ATP8A1: variants seen among roughly 807,000 people sequenced by gnomAD.
The protein encoded by ATP8A1 is phospholipid-transporting ATPase IA.
A neutral mutation model predicts 177.7 loss-of-function variants in ATP8A1; 90 were observed. The ratio of observed to expected loss-of-function variants is 0.51; its 90% CI spans 0.43 to 0.60. The LOEUF (loss-of-function observed/expected upper bound fraction) is 0.60, where lower values mean the gene tolerates loss of function less well. Ranked by LOEUF, ATP8A1 falls within the 20% of genes least tolerant of loss-of-function variation. The pLI is 0.00. For missense variants in ATP8A1, 1,072 were observed against 1,392.8 expected (o/e 0.77, Z 3.67); for synonymous variants, 493 against 485.9 (o/e 1.01, Z -0.19).
intron 5 of ATP8A1, among the ~76,000 whole-genome samples, chr4:42,614,440 C>T (rs1736698982): frequency 6.6e-6 from 1 of 152,186 alleles, no homozygotes; most frequent in South Asian, 2.1e-4. Context: ...CTGCATATTG[C>T]CAAAAATACC....
intron 20 of ATP8A1, among the ~76,000 whole-genome samples, chr4:42,542,345 C>A (rs1385983468): frequency 6.6e-6 from 1 of 151,808 alleles, no homozygotes. Flanking sequence ...AAGATGATTC[C>A]AAACTATACA....
At chr4:42,578,171 TAATTAAAAC>T in intron 12 of ATP8A1, 80 bp downstream of exon 12, 1 of 1,274,114 alleles carries the variant, frequency 7.8e-7, no homozygotes, top group Non-Finnish European at 1.1e-6. Context: ...ACGGTAGATA[TAATTAAAAC>T]CTTTTTTCTC....
At chr4:42,640,979 G>C (rs1241899050) in intron 1 of ATP8A1, among the ~76,000 whole-genome samples, 1 of 147,994 alleles carries the variant, frequency 6.8e-6, no homozygotes, top group African/African-American at 2.5e-5. Context: ...GGAAGTGAAG[G>C]AGCAGACGTA....
intron 32 of ATP8A1, 123 bp downstream of exon 32, chr4:42,444,455 A>G (rs1273671349): frequency 8.9e-6 from 8 of 896,124 alleles, no homozygotes; most frequent in Non-Finnish European, 1.4e-5. Flanking sequence ...CACAATTGAA[A>G]ACCTGTGGAC....
intron 19 of ATP8A1, 84 bp from the exon 20 acceptor site, chr4:42,544,070 T>A (rs1728659057): frequency 8.0e-6 from 9 of 1,123,800 alleles, no homozygotes; most frequent in Non-Finnish European, 1.1e-5. Flanking sequence ...TATTTTGATA[T>A]TCACAGTAAA....
At chr4:42,506,325 G>T (rs964587428) in intron 23 of ATP8A1, among the ~76,000 whole-genome samples, 1 of 152,188 alleles carries the variant, frequency 6.6e-6, no homozygotes, top group Non-Finnish European at 1.5e-5. Context: ...TACCATGTGA[G>T]AACACAGTTA....
intron 35 of ATP8A1, 131 bp from the exon 36 acceptor site, chr4:42,414,849 T>C: frequency 1.5e-6 from 1 of 684,728 alleles, no homozygotes; most frequent in Non-Finnish European, 2.6e-6. Flanking sequence ...TAGTGATTCT[T>C]TTTACACATT....
intron 14 of ATP8A1, among the ~76,000 whole-genome samples, chr4:42,573,086 G>GA (rs1732066728): frequency 6.6e-6 from 1 of 152,086 alleles, no homozygotes; most frequent in South Asian, 2.1e-4. Context: ...CCAAGAATAA[G>GA]AAAAAACCTG....
chr4:42,599,664 G>A (rs1735052950), intron 6 of ATP8A1, among the ~76,000 whole-genome samples: 1 of 152,166 alleles, frequency 6.6e-6, no homozygotes, highest in African/African-American at 2.4e-5. Flanking sequence ...AACTAGCTGG[G>A]AAGTACTGGA....
At chr4:42,602,856 T>C (rs1038702188) in intron 5 of ATP8A1, among the ~76,000 whole-genome samples, 1 of 152,070 alleles carries the variant, frequency 6.6e-6, no homozygotes, top group East Asian at 1.9e-4. Flanking sequence ...GGCTACAATA[T>C]AATAAGAGAG....
chr4:42,545,772 G>A (rs555203300), intron 19 of ATP8A1, among the ~76,000 whole-genome samples: 1 of 152,222 alleles, frequency 6.6e-6, no homozygotes, highest in African/African-American at 2.4e-5. Context: ...TCAGGAGTTC[G>A]AGACCAGCCT....
At chr4:42,539,655 A>G (rs891948194) in intron 20 of ATP8A1, among the ~76,000 whole-genome samples, 1 of 152,096 alleles carries the variant, frequency 6.6e-6, no homozygotes, top group African/African-American at 2.4e-5. Context: ...TAACCAACTG[A>G]TCTTTGACAA....
rs186236350 is a variant in ATP8A1, at chr4:42,570,341, G to C, written c.1296-1136C>G. Among the ~76,000 whole-genome samples the C allele has an allele frequency of 3.9e-5, 6 of 152,312 alleles. No homozygotes were observed. In the East Asian group the frequency reaches 1.2e-3, roughly 29 times the overall value. ...CTTTGTGGGCTGGACTCCAAGAAAA[G>C]GAGTTGGCATGCTGCAAAGCTCTGT... On this transcript the variant is annotated intron_variant, in intron 14 of 36. Transcript: ENST00000381668.
intron 19 of ATP8A1, among the ~76,000 whole-genome samples, chr4:42,544,262 C>T (rs1425076667): frequency 6.6e-6 from 1 of 152,114 alleles, no homozygotes; most frequent in African/African-American, 2.4e-5. Context: ...TCATACCCAC[C>T]AGAGTAAAGT....
intron 15 of ATP8A1, among the ~76,000 whole-genome samples, chr4:42,558,933 C>A (rs563952175): frequency 3.9e-5 from 6 of 152,156 alleles, no homozygotes; most frequent in Non-Finnish European, 8.8e-5. Flanking sequence ...CCAGCACTTT[C>A]GGGAGGCTGA....
intron 1 of ATP8A1, among the ~76,000 whole-genome samples, chr4:42,649,389 T>C (rs1740863499): frequency 6.6e-6 from 1 of 152,190 alleles, no homozygotes; most frequent in Non-Finnish European, 1.5e-5. Context: ...CTAACAAATA[T>C]ATCTTTTCTG....
chr4:42,482,310 CAAAA>C (rs1351618725), intron 25 of ATP8A1, among the ~76,000 whole-genome samples: 9 of 126,878 alleles, frequency 7.1e-5, no homozygotes, highest in East Asian at 4.7e-4. Context: ...TCTCCAAAAA[CAAAA>C]AAACAAACAA....
chr4:42,543,393 T>G (rs887749384), intron 20 of ATP8A1, among the ~76,000 whole-genome samples: 4 of 152,122 alleles, frequency 2.6e-5, no homozygotes, highest in Non-Finnish European at 5.9e-5. Context: ...TATAAATATA[T>G]TTAACTGGAG....
intron 29 of ATP8A1, among the ~76,000 whole-genome samples, chr4:42,453,475 A>G (rs1560340865): frequency 6.6e-6 from 1 of 152,190 alleles, no homozygotes; most frequent in Non-Finnish European, 1.5e-5. Flanking sequence ...TGATCTGATG[A>G]CTTGTCTGAA....
Sources: allele counts gnomAD v4.1 joint callset (sites outside exome capture counted in the v4.1 genomes callset), GRCh38; gene constraint gnomAD v4.1.1; transcripts MANE v1.5; gene names NCBI Gene and HGNC (gene_info 2026-07-23, HGNC 2026-07-21).